The following DNAH14 variants were observed in gnomAD, a reference collection of about 807,000 sequenced individuals.
DNAH14 encodes dynein axonemal heavy chain 14.
In DNAH14, 478 loss-of-function variants were observed where a neutral mutation model predicts 520.9. That is an observed-to-expected ratio of 0.92 (90% CI 0.85 to 0.99). The LOEUF is 0.99. Ranked by LOEUF, DNAH14 falls within the 50% of genes least tolerant of loss-of-function variation. The pLI, the probability that DNAH14 is intolerant of heterozygous loss-of-function variation, is 0.00. For missense variants in DNAH14, 4,831 were observed against 5,234.5 expected (o/e 0.92, Z 2.38); for synonymous variants, 1,581 against 1,757.2 (o/e 0.90, Z 2.51).
chr1:225,289,964 C>G lies in DNAH14; in HGVS notation c.8351C>G (p.Pro2784Arg). 1.3e-6 allele frequency: 2 copies of G among 1,542,120 alleles called. No individual in the cohort carries two copies. The highest frequency in any genetic ancestry group is 1.8e-6 in the Non-Finnish European group (2 of 1,142,072). Reference protein sequence around the residue: ...YLTDNKLYRVPISHKCAYIEF... With the variant: ...YLTDNKLYRVRISHKCAYIEF... ...ACAGATAATAAACTATACCGAGTGC[C>G]TATATCTCACAAATGTGCCTACATC... Residue 2784 changes from proline to arginine, a missense_variant, in exon 55 of 86, where the codon CCT becomes CGT. Physicochemically the swap from Pro to Arg is moderately radical, Grantham distance 103 (BLOSUM62 -2). Coordinates refer to ENST00000682510, the MANE Select transcript of DNAH14 (RefSeq NM_001367479.1).
chr1:225,187,905 C>A (rs755269605), intron 37 of DNAH14, among the ~76,000 whole-genome samples: 2 of 151,680 alleles, frequency 1.3e-5, no homozygotes, highest in Non-Finnish European at 3.0e-5. Context: ...TTTTCCCTTT[C>A]TTGATGTGAA....
intron 61 of DNAH14, among the ~76,000 whole-genome samples, chr1:225,319,986 G>A (rs779794042): frequency 1.4e-4 from 22 of 152,128 alleles, no homozygotes; most frequent in Non-Finnish European, 3.1e-4. Flanking sequence ...AAGTAACAGG[G>A]GCCAGTTCTT....
intron 1 of DNAH14, among the ~76,000 whole-genome samples, chr1:224,936,168 A>G (rs1300101046): frequency 6.6e-6 from 1 of 151,932 alleles, no homozygotes; most frequent in East Asian, 1.9e-4. Flanking sequence ...CTAGAAAAGC[A>G]AGAACAAACC....
At chr1:225,155,291 A>T (rs953819092) in intron 34 of DNAH14, among the ~76,000 whole-genome samples, 1 of 152,190 alleles carries the variant, frequency 6.6e-6, no homozygotes, top group Admixed American at 6.5e-5. Context: ...TATCAACATG[A>T]TAACTGTTTC....
intron 43 of DNAH14, among the ~76,000 whole-genome samples, chr1:225,241,995 A>C (rs1447656689): frequency 1.3e-5 from 2 of 152,208 alleles, no homozygotes; most frequent in Admixed American, 1.3e-4. Context: ...AGGCCAAGGC[A>C]GGAGGATTGC....
At chr1:225,333,270 C>A in intron 65 of DNAH14, 21 bp from the exon 66 acceptor site, 1 of 1,502,462 alleles carries the variant, frequency 6.7e-7, no homozygotes, top group South Asian at 1.2e-5. Flanking sequence ...TAGAATAACT[C>A]ATTTCTATTT....
rs1355212609 is a variant in DNAH14 at position 225,358,594 on chromosome 1, G to A, written c.11718G>A (p.Leu3906=). ...NKYLQRTGVN[L]KDAYKGSNAR... The stretch of plus-strand genomic sequence containing the variant: ...ATCTTCAAAGAACTGGAGTTAATTT[G>A]AAAGATGCATATAAAGGATCCAATG... Residue 3906 remains leucine (L), a synonymous_variant, in exon 74 of 86, where the codon TTG becomes TTA. Transcript: ENST00000682510. 6.5e-7 allele frequency: 1 copy of A among 1,549,260 alleles called. No individual in the cohort carries two copies. The highest frequency in any genetic ancestry group is 8.7e-7 in the Non-Finnish European group (1 of 1,146,142).
rs745855702 is a variant in DNAH14, at chr1:225,140,956, C to A, written c.4443C>A (p.Cys1481Ter). The A allele has an allele frequency of 6.5e-5, 101 of 1,551,148 alleles. 1 individual carries two copies. The Middle Eastern group carries it at 3.0e-3, about 46-fold the overall frequency. ...CATTGCTTATCCTTTATGTTCACTG[C>A]AGAGATATAGTGATAAATTTACTAC... ...LGALLILYVH[C>*]RDIVINLLLK... The change falls in exon 28 of 86, where the codon TGC (cysteine) becomes TGA (stop). Residue 1481 changes from cysteine to a stop codon, truncating the protein, a stop_gained. Coordinates refer to ENST00000682510, the MANE Select transcript of DNAH14 (RefSeq NM_001367479.1). LOFTEE classifies it high-confidence loss of function.
At chr1:225,155,052 T>A (rs2080893263) in intron 34 of DNAH14, among the ~76,000 whole-genome samples, 1 of 152,036 alleles carries the variant, frequency 6.6e-6, no homozygotes, top group Non-Finnish European at 1.5e-5. Flanking sequence ...CCACACGTAA[T>A]GAAAGAATGC....
intron 38 of DNAH14, among the ~76,000 whole-genome samples, chr1:225,193,120 G>C (rs2085666574): frequency 6.6e-6 from 1 of 152,088 alleles, no homozygotes; most frequent in South Asian, 2.1e-4. Flanking sequence ...GTAAATGATA[G>C]AATGAAGTTA....
chr1:225,397,017 T>A (rs987229867), intron 84 of DNAH14: 1 of 152,314 alleles, frequency 6.6e-6, no homozygotes, highest in Admixed American at 6.5e-5. Flanking sequence ...AATTCTTTTT[T>A]TTTTTTTTGA....
chr1:225,398,625 A>T lies in DNAH14; in HGVS notation c.13597A>T (p.Met4533Leu), dbSNP rs1251194733. ...ACTGGAAGACTCGCTGCCTCTGGAG[A>T]TGTGCTGTGATTTTCCCGACATATA... The part of the protein sequence containing the change: ...KILEDSLPLE[M>L]CCDFPDIYFL... Residue 4533 changes from methionine to leucine, a missense_variant, in exon 85 of 86, where the codon ATG becomes TTG. Coordinates refer to ENST00000682510, the MANE Select transcript of DNAH14 (RefSeq NM_001367479.1). The T allele has an allele frequency of 1.5e-5, 23 of 1,551,596 alleles. No individual in the cohort carries two copies. Among genetic ancestry groups the T allele is most frequent in the Non-Finnish European group, 2.0e-5 (23 of 1,146,994 alleles).
intron 78 of DNAH14, among the ~76,000 whole-genome samples, chr1:225,375,695 G>A (rs1435042313): frequency 6.6e-6 from 1 of 151,746 alleles, no homozygotes; most frequent in African/African-American, 2.4e-5. Flanking sequence ...CAATAAGAAG[G>A]CATTAAATTA....
At chr1:224,973,679 A>G (rs1200478268) in intron 7 of DNAH14, among the ~76,000 whole-genome samples, 2 of 152,158 alleles carry the variant, frequency 1.3e-5, no homozygotes, top group Non-Finnish European at 2.9e-5. Flanking sequence ...ACATTGCCTT[A>G]ATTTTTTACT....
intron 11 of DNAH14, 31 bp downstream of exon 11, chr1:225,023,896 CTTACAA>C: frequency 2.0e-6 from 3 of 1,496,418 alleles, no homozygotes; most frequent in Non-Finnish European, 1.8e-6. Flanking sequence ...CAAAAAGTAA[CTTACAA>C]TTATAATATT....
chr1:225,006,243 C>T (rs1325867385), intron 9 of DNAH14, among the ~76,000 whole-genome samples: 1 of 152,042 alleles, frequency 6.6e-6, no homozygotes, highest in Non-Finnish European at 1.5e-5. Context: ...CCCTCAGGAC[C>T]CTGTTATGAT....
intron 17 of DNAH14, among the ~76,000 whole-genome samples, chr1:225,055,517 A>G (rs1339143679): frequency 6.6e-6 from 1 of 150,854 alleles, no homozygotes. Flanking sequence ...TAGCTAAATT[A>G]TTTTTTTATT....
chr1:225,385,882 T>TA (rs1386934620), intron 81 of DNAH14, among the ~76,000 whole-genome samples: 1 of 152,124 alleles, frequency 6.6e-6, no homozygotes, highest in Non-Finnish European at 1.5e-5. Flanking sequence ...AAAACTACTT[T>TA]AAAGTTCATA....
chr1:225,114,405 T>A (rs182788401), intron 23 of DNAH14, among the ~76,000 whole-genome samples: 1 of 152,206 alleles, frequency 6.6e-6, no homozygotes, highest in East Asian at 1.9e-4. Flanking sequence ...TGTCCTGAAG[T>A]GGAGGTAACA....
Sources: gnomAD v4.1 joint callset for allele counts (sites outside exome capture counted in the v4.1 genomes callset) on GRCh38, gnomAD v4.1.1 for gene constraint, MANE v1.5 for transcripts, NCBI Gene and HGNC (gene_info 2026-07-23, HGNC 2026-07-21) for gene names.